CAPN14: variants seen among roughly 807,000 people sequenced by gnomAD.
CAPN14 encodes calpain-14.
Under a neutral mutation model 101.3 loss-of-function variants are expected in CAPN14, and 94 were observed. The observed-to-expected ratio is 0.93, with a 90% CI of 0.79 to 1.10. The LOEUF is 1.10. Ranked by LOEUF, CAPN14 falls within the 50% of genes least tolerant of loss-of-function variation. The probability of loss-of-function intolerance (pLI) is 0.00; values close to 1 mark genes in which losing one functional copy is unlikely to be tolerated. For missense variants in CAPN14, 837 were observed against 828.4 expected, an observed-to-expected ratio of 1.01 and a Z score of -0.13; for synonymous variants, 338 against 317.9, an observed-to-expected ratio of 1.06 and a Z score of -0.67.
chr2:31,227,459 T>C (rs886780081), intron 1 of CAPN14, among the ~76,000 whole-genome samples: 7 of 152,218 alleles, frequency 4.6e-5, no homozygotes, highest in Non-Finnish European at 7.3e-5. Flanking sequence ...CTCACCTGTG[T>C]ATTTTTATTC....
Position 31,177,765 on chromosome 2 carries a change from G to A in CAPN14, c.1836C>T (p.His612=), listed in dbSNP as rs772684686. The A allele has an allele frequency of 2.3e-5, 35 of 1,551,668 alleles. No homozygotes were observed. Among genetic ancestry groups the A allele is most frequent in the Middle Eastern group, 1.7e-4 (1 of 6,014 alleles). ...GSGYLNWEQL[H]AAMREAGIML... ...GCCTACCTGCCTCCCTCATGGCAGCGTGCAGCTGCTCCCAGTTCAGGTATC... is the reference window on the plus strand; with the variant it reads ...GCCTACCTGCCTCCCTCATGGCAGCATGCAGCTGCTCCCAGTTCAGGTATC... Residue 612 remains histidine (H), a synonymous_variant, in exon 19 of 22, where the codon CAC becomes CAT. Transcript: ENST00000403897.
intron 7 of CAPN14, 132 bp from the exon 8 acceptor site, chr2:31,197,466 A>T (rs1681524735): frequency 1.6e-6 from 1 of 626,258 alleles, no homozygotes; most frequent in East Asian, 2.9e-5. Flanking sequence ...GGTAGAGGAG[A>T]AAGTGGCTCT....
chr2:31,205,505 A>G lies in CAPN14; in HGVS notation c.-52-6T>C. On this transcript the variant is annotated splice_region_variant and splice_polypyrimidine_tract_variant and intron_variant, in intron 1 of 21. Transcript: ENST00000403897. ...CTGAGGAGTCTCTGCTGCTCCTGAAATGGAGAGAGGACGGTCAGTTTCCTC... is the reference window on the plus strand; with the variant it reads ...CTGAGGAGTCTCTGCTGCTCCTGAAGTGGAGAGAGGACGGTCAGTTTCCTC... 7.3e-7 allele frequency: 1 copy of G among 1,366,254 alleles called. No homozygotes were observed. The highest frequency in any genetic ancestry group is 2.5e-5 in the East Asian group (1 of 39,830). The allele number at this position is 1,366,254 out of a possible 1,614,324, so 84.6% of individuals were successfully genotyped here.
chr2:31,221,106 C>T (rs556260945), upstream of CAPN14, among the ~76,000 whole-genome samples: 3 of 152,252 alleles, frequency 2.0e-5, no homozygotes, highest in East Asian at 5.8e-4. Flanking sequence ...TTCACATTCA[C>T]AATATTTTTA....
In CAPN14 at chr2:31,210,363, G is replaced by A. The variant is rs370966920; in HGVS notation, c.-52-4864C>T. 4.4e-3 allele frequency among the ~76,000 whole-genome samples: 664 copies of A among 152,276 alleles called. 6 individuals carry two copies. The highest frequency in any genetic ancestry group is 0.015 in the African/African-American group (638 of 41,550). On this transcript the variant is annotated intron_variant, in intron 1 of 21. Transcript: ENST00000403897. ...CTCGGGAGGCTGAGGCAGGAGAATG[G>A]TGTGAACCCGGGAGGCGGAGCTTGC...
At chr2:31,183,512 A>C (rs889991004) in intron 16 of CAPN14, among the ~76,000 whole-genome samples, 1 of 152,172 alleles carries the variant, frequency 6.6e-6, no homozygotes, top group African/African-American at 2.4e-5. Flanking sequence ...CAACCCCATC[A>C]AAAAGTGGGC....
At chr2:31,205,568 G>C (rs1239041445) in intron 1 of CAPN14, 69 bp from the exon 2 acceptor site, 1 of 794,724 alleles carries the variant, frequency 1.3e-6, no homozygotes. Flanking sequence ...ACAGAGACGA[G>C]GGGAAGGATG....
intron 17 of CAPN14, among the ~76,000 whole-genome samples, chr2:31,180,582 G>A (rs1396457938): frequency 2.0e-5 from 3 of 152,232 alleles, no homozygotes; most frequent in Admixed American, 6.5e-5. Flanking sequence ...AAAGGCTCTT[G>A]TAAACCTGGA....
At chr2:31,186,868 T>C (rs1680924607) in intron 15 of CAPN14, among the ~76,000 whole-genome samples, 1 of 152,226 alleles carries the variant, frequency 6.6e-6, no homozygotes, top group African/African-American at 2.4e-5. Context: ...CTGAGGCATA[T>C]TCATAACATG....
In CAPN14 at chr2:31,193,287, G is replaced by A; in HGVS notation, c.958C>T (p.Leu320=). 6.4e-7 allele frequency: 1 copy of A among 1,551,686 alleles called. No individual in the cohort carries two copies. The highest frequency in any genetic ancestry group is 1.4e-5 in the African/African-American group (1 of 73,168). ...ACGAAATGTGTTTTAAAGTCCTGCAGCGTCATCCTGTGGAGAGAAGAAGGA... is the reference window on the plus strand; with the variant it reads ...ACGAAATGTGTTTTAAAGTCCTGCAACGTCATCCTGTGGAGAGAAGAAGGA... ...KDNDGEFWMT[L]QDFKTHFVLL... Residue 320 remains leucine, a synonymous_variant, in exon 10 of 22, where the codon CTG becomes TTG. Coordinates refer to ENST00000403897, the MANE Select transcript of CAPN14 (RefSeq NM_001145122.2).
intron 9 of CAPN14, 93 bp from the exon 10 acceptor site, chr2:31,193,387 T>G: frequency 8.0e-7 from 1 of 1,247,330 alleles, no homozygotes; most frequent in South Asian, 1.4e-5. Context: ...GCAGTGGGCA[T>G]CCCAGCCCTC....
intron 1 of CAPN14, among the ~76,000 whole-genome samples, chr2:31,211,356 A>T (rs974064839): frequency 1.3e-5 from 2 of 152,212 alleles, no homozygotes; most frequent in Admixed American, 6.5e-5. Flanking sequence ...AATATTTTTT[A>T]AAAACCATAG....
At chr2:31,209,450 A>C (rs968398007) in intron 1 of CAPN14, among the ~76,000 whole-genome samples, 4 of 152,142 alleles carry the variant, frequency 2.6e-5, no homozygotes, top group African/African-American at 9.7e-5. Context: ...GATCCAGAGG[A>C]GGAGGCCTTT....
At chr2:31,219,555 G>A (rs1418484312), upstream of CAPN14, among the ~76,000 whole-genome samples, 1 of 152,218 alleles carries the variant, frequency 6.6e-6, no homozygotes, top group Non-Finnish European at 1.5e-5. Flanking sequence ...TTTAGGAGTG[G>A]TGAAGCCTTT....
rs184932565 is a variant in CAPN14 at position 31,178,546 on chromosome 2, A to G, written c.1744T>C (p.Phe582Leu). 2.8e-5 allele frequency: 44 copies of G among 1,549,476 alleles called. No homozygotes were observed. The Admixed American group carries it at 7.1e-4, about 25-fold the overall frequency. ...NASGTMSIQE[F>L]RDLWKQLKLS... ...TTCAGCTGCTTCCACAGGTCCCTGA[A>G]TTCCTGGATGCTCATAGTACCTGAT... Residue 582 changes from phenylalanine (F) to leucine (L), a missense_variant, in exon 18 of 22, where the codon TTC (phenylalanine) becomes CTC (leucine). Physicochemically the swap from Phe to Leu is conservative, Grantham distance 22. Coordinates refer to ENST00000403897, the MANE Select transcript of CAPN14 (RefSeq NM_001145122.2).
Position 31,200,449 on chromosome 2 carries a change from A to G in CAPN14, c.726+2T>C. On this transcript the variant is annotated splice_donor_variant, in intron 6 of 21. Coordinates refer to ENST00000403897, the MANE Select transcript of CAPN14 (RefSeq NM_001145122.2). LOFTEE classifies it high-confidence loss of function. The stretch of plus-strand genomic sequence containing the variant: ...ATTCTGCCAGTGGCAGCCCAGTCTC[A>G]CCCCTGAGTGGGTCTGGCAGCCAAT... 1 of 1,547,922 alleles carries G rather than the reference A, an allele frequency of 6.5e-7. No individual in the cohort carries two copies. The highest frequency in any genetic ancestry group is 8.7e-7 in the Non-Finnish European group (1 of 1,145,916).
At chr2:31,187,875 A>G in intron 14 of CAPN14, 61 bp from the exon 15 acceptor site, 1 of 1,306,374 alleles carries the variant, frequency 7.7e-7, no homozygotes, top group Non-Finnish European at 1.1e-6. Flanking sequence ...ACTTTCGTGC[A>G]CACCCTAATG....
At chr2:31,189,037 G>A (rs1205081076) in intron 13 of CAPN14, among the ~76,000 whole-genome samples, 1 of 152,204 alleles carries the variant, frequency 6.6e-6, no homozygotes, top group Non-Finnish European at 1.5e-5. Context: ...GAAGCTATGT[G>A]TGTTTTATCT....
intron 1 of CAPN14, chr2:31,228,342 G>A (rs1034775597): frequency 2.6e-5 from 4 of 152,170 alleles, no homozygotes; most frequent in South Asian, 2.1e-4. Context: ...GAATGCACCC[G>A]ATCTCATCTG....
Sources: allele counts gnomAD v4.1 joint callset (sites outside exome capture counted in the v4.1 genomes callset), GRCh38; gene constraint gnomAD v4.1.1; transcripts MANE v1.5; gene names NCBI Gene and HGNC (gene_info 2026-07-23, HGNC 2026-07-21).